The following PATE3 variants were observed in gnomAD, a reference collection of about 807,000 sequenced individuals.
The protein encoded by PATE3 is prostate and testis expressed 3, also known as prostate and testis expressed protein 3.
Under a neutral mutation model 7.4 loss-of-function variants are expected in PATE3, and 7 were observed. That is an observed-to-expected ratio of 0.95 (90% confidence interval 0.54 to 1.78). PATE3 has a LOEUF of 1.78. Among genes scored for constraint, PATE3 ranks in the 40% most tolerant of loss-of-function variants. The probability of loss-of-function intolerance (pLI) is 0.00; values close to 1 mark genes in which losing one functional copy is unlikely to be tolerated. For synonymous variants in PATE3, 38 were observed against 40.2 expected, an observed-to-expected ratio of 0.94 and a Z score of 0.21; for missense variants, 117 against 122.5, an observed-to-expected ratio of 0.96 and a Z score of 0.21.
intron 2 of PATE3, 92 bp downstream of exon 2, chr11:125,789,600 G>A (rs558501323): frequency 7.1e-7 from 1 of 1,416,292 alleles, no homozygotes; most frequent in Non-Finnish European, 9.5e-7. Context: ...AAGAACCAAT[G>A]CAGAATGCCC....
intron 1 of PATE3, among the ~76,000 whole-genome samples, chr11:125,789,138 CTTAAAG>C (rs1472560993): frequency 6.6e-6 from 1 of 152,086 alleles, no homozygotes. Flanking sequence ...TAACTTTTTG[CTTAAAG>C]TTATCCAGGT....
Position 125,789,403 on chromosome 11 carries a change from T to A in PATE3, c.67T>A (p.Cys23Ser). ...CLIVAVTSLQ[C>S]ITCHLRTRTD... ...CTCTCCAGCAGTGACATCACTTCAG[T>A]GCATAACATGCCACCTTCGCACACG... The change falls in exon 2 of 3, where the codon TGC becomes AGC. Residue 23 changes from cysteine to serine, a missense_variant. Cys to Ser is a moderately radical substitution (Grantham distance 112). Transcript: ENST00000445202. 6.4e-7 allele frequency: 1 copy of A among 1,551,598 alleles called. No homozygotes were observed.
chr11:125,789,664 G>T (rs1943593425), intron 2 of PATE3, among the ~76,000 whole-genome samples, 156 bp downstream of exon 2: 1 of 152,134 alleles, frequency 6.6e-6, no homozygotes, highest in Admixed American at 6.5e-5. Context: ...AGATAATTTG[G>T]GTCAATGAGA....
At position 125,791,339 on chromosome 11, in the gene PATE3, C is replaced by G. The variant is rs537661288; in HGVS notation, c.*737C>G. 6.6e-6 allele frequency: 1 copy of G among 152,278 alleles called. No individual in the cohort carries two copies. Among genetic ancestry groups the G allele is most frequent in the South Asian group, 2.1e-4 (1 of 4,822 alleles). The allele number at this position is 152,278 out of a possible 1,614,324, so 9.4% of individuals were successfully genotyped here. A position where few individuals can be genotyped will look rare whatever the true frequency, so the allele number is the denominator to read the frequency against. ...TCACCTTTACTATCACCTCCCACCTCCATTATCACCTCCCCATTGCCACAC... is the reference window on the plus strand; with the variant it reads ...TCACCTTTACTATCACCTCCCACCTGCATTATCACCTCCCCATTGCCACAC... On this transcript the variant is annotated 3_prime_UTR_variant, in exon 3 of 3. Coordinates refer to ENST00000445202, the MANE Select transcript of PATE3 (RefSeq NM_001129883.4).
chr11:125,790,353 A>G lies in PATE3; in HGVS notation c.173-125A>G. On this transcript the variant is annotated intron_variant, in intron 2 of 2. Transcript: ENST00000445202. Reference sequence around the variant, plus strand: ...CTGCCTGGGTGCTTTTAGGGAGTATAAGCTGGGAAGCCATTCCTCAACCTA... The same window carrying G: ...CTGCCTGGGTGCTTTTAGGGAGTATGAGCTGGGAAGCCATTCCTCAACCTA... 6 of 941,788 alleles carry G rather than the reference A, an allele frequency of 6.4e-6. No individual in the cohort carries two copies. In the South Asian group the frequency reaches 1.1e-4, roughly 18 times the overall value. 58.3% of individuals were successfully genotyped at this position (941,788 alleles called of 1,614,324 possible).
intron 1 of PATE3, 107 bp from the exon 2 acceptor site, chr11:125,789,279 T>C (rs1288272946): frequency 1.7e-5 from 20 of 1,191,136 alleles, no homozygotes; most frequent in African/African-American, 4.6e-5. Context: ...GCTCTTCATC[T>C]GCCTGCCCCC....
chr11:125,788,369 C>A (rs1298949097), intron 1 of PATE3, among the ~76,000 whole-genome samples, 169 bp downstream of exon 1: 1 of 152,178 alleles, frequency 6.6e-6, no homozygotes, highest in African/African-American at 2.4e-5. Flanking sequence ...CTCTTCCATC[C>A]TTTTCAGCCT....
chr11:125,789,625 T>C, intron 2 of PATE3, 117 bp downstream of exon 2: 5 of 1,173,530 alleles, frequency 4.3e-6, no homozygotes, highest in Non-Finnish European at 5.8e-6. Flanking sequence ...GCACAGGTGG[T>C]AGCACAGGTC....
chr11:125,789,346 G>A, intron 1 of PATE3, 40 bp from the exon 2 acceptor site: 5 of 1,528,442 alleles, frequency 3.3e-6, no homozygotes, highest in Non-Finnish European at 3.5e-6. Flanking sequence ...CCAAGTCCCT[G>A]CTTTTGCCTA....
chr11:125,788,256 G>T (rs1038866722), intron 1 of PATE3, 56 bp downstream of exon 1: 109 of 1,474,720 alleles, frequency 7.4e-5, no homozygotes, highest in Non-Finnish European at 9.7e-5. Flanking sequence ...GAGCTCCAGG[G>T]AAACTACATG....
chr11:125,789,993 A>T (rs941188892), intron 2 of PATE3, among the ~76,000 whole-genome samples: 1 of 152,220 alleles, frequency 6.6e-6, no homozygotes, highest in Non-Finnish European at 1.5e-5. Flanking sequence ...GCAGAAACAG[A>T]GGTGAGCCTG....
chr11:125,789,343 C>A, intron 1 of PATE3, 43 bp from the exon 2 acceptor site: 1 of 1,525,102 alleles, frequency 6.6e-7, no homozygotes, highest in Non-Finnish European at 8.9e-7. Context: ...ATCCCAAGTC[C>A]CTGCTTTTGC....
chr11:125,790,770 G>T lies in PATE3; in HGVS notation c.*168G>T. The stretch of plus-strand genomic sequence containing the variant: ...GATCCTTTCTGGTGTCTTCAGCTTG[G>T]CTTCTCCCTCAGTCAGAGAATAGTG... On this transcript the variant is annotated 3_prime_UTR_variant, in exon 3 of 3. Transcript: ENST00000445202. 1.7e-6 allele frequency: 1 copy of T among 602,346 alleles called. No individual in the cohort carries two copies. The highest frequency in any genetic ancestry group is 2.7e-6 in the Non-Finnish European group (1 of 365,896). 37.3% of individuals were successfully genotyped at this position (602,346 alleles called of 1,614,324 possible). A position where few individuals can be genotyped will look rare whatever the true frequency, so the allele number is the denominator to read the frequency against.
chr11:125,788,311 A>G, intron 1 of PATE3, 111 bp downstream of exon 1: 1 of 880,460 alleles, frequency 1.1e-6, no homozygotes, highest in Non-Finnish European at 1.7e-6. Context: ...CACTTTTATG[A>G]GCCAGGGGAA....
chr11:125,790,460 G>T lies in PATE3; in HGVS notation c.173-18G>T. The T allele has an allele frequency of 1.9e-6, 3 of 1,544,736 alleles. No homozygotes were observed. Among genetic ancestry groups the T allele is most frequent in the Non-Finnish European group, 2.6e-6 (3 of 1,144,824 alleles). On this transcript the variant is annotated intron_variant, in intron 2 of 2. Transcript: ENST00000445202. ...CTTAAATCAAATGCTTATTTTCTGT[G>T]GTTCTTTCCTATTTTAGGCAATACT...
At chr11:125,789,925 G>A (rs1243242639) in intron 2 of PATE3, among the ~76,000 whole-genome samples, 1 of 151,942 alleles carries the variant, frequency 6.6e-6, no homozygotes, top group Admixed American at 6.6e-5. Context: ...AGAAAATATG[G>A]TATATACACA....
chr11:125,790,394 C>A, intron 2 of PATE3, 84 bp from the exon 3 acceptor site: 1 of 1,362,660 alleles, frequency 7.3e-7, no homozygotes. Context: ...ATTAAATTTT[C>A]ACCAACAGAA....
In PATE3 at chr11:125,788,181, C is replaced by T. The variant is rs1943580325; in HGVS notation, c.30C>T (p.Leu10=). ...ACAAACACTTCTTGTTCCTCTTCCT[C>T]CTTTACTGCCTCATTGTGGGTGAGT... MNKHFLFLF[L]LYCLIVAVTS... Residue 10 remains leucine, a synonymous_variant, in exon 1 of 3, where the codon CTC becomes CTT. Transcript: ENST00000445202. 6.4e-7 allele frequency: 1 copy of T among 1,551,462 alleles called. No individual in the cohort carries two copies.
chr11:125,790,692 T>A lies in PATE3; in HGVS notation c.*90T>A. ...CTGGCCCTTGCTTCCCTTCCGTGTCTGTCCTGACAATACCCCTGCCCTCGC... is the reference window on the plus strand; with the variant it reads ...CTGGCCCTTGCTTCCCTTCCGTGTCAGTCCTGACAATACCCCTGCCCTCGC... On this transcript the variant is annotated 3_prime_UTR_variant, in exon 3 of 3. Coordinates refer to ENST00000445202, the MANE Select transcript of PATE3 (RefSeq NM_001129883.4). 1 of 1,329,382 alleles carries A rather than the reference T, an allele frequency of 7.5e-7. No individual in the cohort carries two copies. The highest frequency in any genetic ancestry group is 1.0e-6 in the Non-Finnish European group (1 of 975,104). 82.3% of individuals were successfully genotyped at this position (1,329,382 alleles called of 1,614,324 possible).
Sources: allele counts gnomAD v4.1 joint callset (sites outside exome capture counted in the v4.1 genomes callset), GRCh38; gene constraint gnomAD v4.1.1; transcripts MANE v1.5; gene names NCBI Gene and HGNC (gene_info 2026-07-23, HGNC 2026-07-21).